Variants in CACNA1A observed in about 807,000 individuals in gnomAD.
CACNA1A encodes calcium voltage-gated channel subunit alpha1 A, also known as voltage-dependent P/Q-type calcium channel subunit alpha-1A.
Under a neutral mutation model 262.4 loss-of-function variants are expected in CACNA1A, and 57 were observed. The ratio of observed to expected loss-of-function variants is 0.22; its 90% CI spans 0.18 to 0.27. CACNA1A has a LOEUF of 0.27. CACNA1A is among the 10% of genes least tolerant of loss of function. The pLI, the probability that CACNA1A is intolerant of heterozygous loss-of-function variation, is 1.00. For synonymous variants in CACNA1A, 1,431 were observed against 1,419.3 expected (o/e 1.01, Z -0.18); for missense variants, 2,526 against 3,562.8 (o/e 0.71, Z 7.41).
chr19:13,319,873 A>AG (rs1257963506), intron 10 of CACNA1A, among the ~76,000 whole-genome samples: 5 of 152,152 alleles, frequency 3.3e-5, no homozygotes, highest in Non-Finnish European at 5.9e-5. Flanking sequence ...AAACAGGCTG[A>AG]GGGGGGTCTA....
intron 6 of CACNA1A, among the ~76,000 whole-genome samples, chr19:13,339,530 A>T (rs192957647): frequency 6.6e-6 from 1 of 152,296 alleles, no homozygotes; most frequent in Non-Finnish European, 1.5e-5. Flanking sequence ...GGATGACAAC[A>T]ATATATTAAT....
intron 8 of CACNA1A, 125 bp downstream of exon 8, chr19:13,334,253 A>G (rs1295093338): frequency 8.0e-6 from 5 of 624,086 alleles, no homozygotes; most frequent in East Asian, 5.4e-5. Context: ...GGGACTACCA[A>G]TTCAGGTTCT....
intron 3 of CACNA1A, among the ~76,000 whole-genome samples, chr19:13,442,204 G>A (rs924471965): frequency 1.3e-5 from 2 of 152,216 alleles, no homozygotes; most frequent in Admixed American, 1.3e-4. Context: ...AGTGAGGAAT[G>A]AGGAAGAGAG....
At chr19:13,238,469 C>G (rs2055952729) in intron 31 of CACNA1A, among the ~76,000 whole-genome samples, 1 of 152,158 alleles carries the variant, frequency 6.6e-6, no homozygotes, top group Non-Finnish European at 1.5e-5. Flanking sequence ...CTGCAGCCCC[C>G]ACAACACCTG....
At chr19:13,382,956 C>T (rs905109389) in intron 3 of CACNA1A, among the ~76,000 whole-genome samples, 3 of 152,138 alleles carry the variant, frequency 2.0e-5, no homozygotes, top group African/African-American at 7.2e-5. Flanking sequence ...AGTAAGAACT[C>T]GAACCCCAGA....
intron 6 of CACNA1A, among the ~76,000 whole-genome samples, chr19:13,338,145 GC>G (rs1184289529): frequency 6.6e-6 from 1 of 152,144 alleles, no homozygotes; most frequent in African/African-American, 2.4e-5. Context: ...AACCCAGAAG[GC>G]GGAGCTTGCA....
At chr19:13,417,036 A>C (rs1315285073) in intron 3 of CACNA1A, among the ~76,000 whole-genome samples, 1 of 152,138 alleles carries the variant, frequency 6.6e-6, no homozygotes, top group Non-Finnish European at 1.5e-5. Context: ...CAGCTCAAAG[A>C]ATGTTTCCAA....
chr19:13,376,814 T>C (rs544790621), intron 3 of CACNA1A, among the ~76,000 whole-genome samples: 5 of 76,248 alleles, frequency 6.6e-5, no homozygotes, highest in Non-Finnish European at 9.5e-5. Flanking sequence ...ATATATGTTA[T>C]GTGTGATATA....
chr19:13,475,821 T>C (rs1316048132), intron 1 of CACNA1A, among the ~76,000 whole-genome samples: 2 of 151,608 alleles, frequency 1.3e-5, no homozygotes, highest in South Asian at 4.2e-4. Context: ...AAGGGAGAAA[T>C]AAAAGGAGCC....
chr19:13,257,368 G>A lies in CACNA1A; in HGVS notation c.4572C>T (p.Tyr1524=). ...QEQGDKMMEE[Y]SLEKNERACI... ...GTGGCACCTCATTTTTCTCCAGGCT[G>A]TATTCCTCCATCATCTTGTCCCCTT... is the stretch of plus-strand genomic sequence containing the variant. Residue 1524 remains tyrosine (Y), a synonymous_variant, in exon 28 of 47, where the codon TAC becomes TAT. Coordinates refer to ENST00000360228, the MANE Select transcript of CACNA1A (RefSeq NM_001127222.2). 6.2e-7 allele frequency: 1 copy of A among 1,613,750 alleles called. No individual in the cohort carries two copies.
intron 3 of CACNA1A, among the ~76,000 whole-genome samples, chr19:13,398,427 G>A (rs1328718508): frequency 6.6e-6 from 1 of 152,178 alleles, no homozygotes; most frequent in Non-Finnish European, 1.5e-5. Context: ...CACTTGGGCA[G>A]GTAAATTGTC....
At chr19:13,346,666 ATTTTTTTTTTTTTTT>A (rs74181823) in intron 6 of CACNA1A, among the ~76,000 whole-genome samples, 1 of 8,288 alleles carries the variant, frequency 1.2e-4, no homozygotes, top group Non-Finnish European at 2.0e-4. Flanking sequence ...ATATATATAT[ATTTTTTTTTTTTTTT>A]TTTTTTTTTT....
rs981634638 is a variant in CACNA1A at position 13,207,102 on chromosome 19, C to G, written c.*211G>C. ...GGGGGGATCGGGGCTGGTTGGGGGG[C>G]GCCGTGGCTGCCCAGGAGGGTCTCT... On this transcript the variant is annotated 3_prime_UTR_variant, in exon 47 of 47. Transcript: ENST00000360228. This position sits in a 1 kb window ranked among gnomAD's most constrained non-coding sequence, Gnocchi z 5.7. 2.3e-6 allele frequency: 1 copy of G among 441,452 alleles called. No homozygotes were observed. Among genetic ancestry groups the G allele is most frequent in the Non-Finnish European group, 3.9e-6 (1 of 254,666 alleles). 27.3% of individuals were successfully genotyped at this position (441,452 alleles called of 1,614,324 possible).
Position 13,224,651 on chromosome 19 carries a change from C to A in CACNA1A, c.5731+16G>T. The A allele has an allele frequency of 6.3e-7, 1 of 1,577,952 alleles. No individual in the cohort carries two copies. Among genetic ancestry groups the A allele is most frequent in the South Asian group, 1.1e-5 (1 of 87,536 alleles). On this transcript the variant is annotated intron_variant, in intron 38 of 46. Coordinates refer to ENST00000360228, the MANE Select transcript of CACNA1A (RefSeq NM_001127222.2). Reference sequence around the variant, plus strand: ...CCTGTCACGCCTGTCTGTGCCCGCCCCTGTCCCTTCCTTACCCTTGGCAAT... The same window carrying A: ...CCTGTCACGCCTGTCTGTGCCCGCCACTGTCCCTTCCTTACCCTTGGCAAT...
At chr19:13,447,304 T>C (rs553501309) in intron 3 of CACNA1A, among the ~76,000 whole-genome samples, 21 of 152,314 alleles carry the variant, frequency 1.4e-4, no homozygotes, top group Non-Finnish European at 2.1e-4. Flanking sequence ...AGATGAAGTA[T>C]TTCTCCTCTA....
At chr19:13,454,958 C>A in intron 2 of CACNA1A, 149 bp downstream of exon 2, 1 of 537,470 alleles carries the variant, frequency 1.9e-6, no homozygotes, top group South Asian at 2.3e-5. Context: ...GACTCTGGTT[C>A]AAGAAAAAAT....
intron 45 of CACNA1A, 102 bp downstream of exon 45, chr19:13,209,210 G>A: frequency 1.5e-6 from 2 of 1,354,618 alleles, no homozygotes; most frequent in East Asian, 2.5e-5. Flanking sequence ...CTCCATGGAG[G>A]CCTCTCCCTT....
chr19:13,455,644 T>C (rs184195305), intron 1 of CACNA1A, among the ~76,000 whole-genome samples: 80 of 152,246 alleles, frequency 5.3e-4, no homozygotes, highest in African/African-American at 1.8e-3. Flanking sequence ...GTACATCATA[T>C]ATGCTATGTT....
At chr19:13,406,490 T>C (rs1385552438) in intron 3 of CACNA1A, among the ~76,000 whole-genome samples, 2 of 104,900 alleles carry the variant, frequency 1.9e-5, no homozygotes, top group African/African-American at 4.1e-5. Flanking sequence ...TATATATATA[T>C]ATATATATAT....
Sources: allele counts gnomAD v4.1 joint callset (sites outside exome capture counted in the v4.1 genomes callset), GRCh38; gene constraint gnomAD v4.1.1; non-coding constraint Gnocchi (gnomAD v3.1); transcripts MANE v1.5; gene names NCBI Gene and HGNC (gene_info 2026-07-23, HGNC 2026-07-21).